HMBOX1: variants seen among roughly 807,000 people sequenced by gnomAD.
HMBOX1 encodes homeobox-containing protein 1.
HMBOX1 carries 14 observed loss-of-function variants against 54.5 expected under a neutral mutation model. That is an observed-to-expected ratio of 0.26 (90% CI 0.17 to 0.40). The LOEUF is 0.40. Ranked by LOEUF, HMBOX1 falls within the 10% of genes least tolerant of loss-of-function variation. HMBOX1 has a pLI of 1.00. For synonymous variants in HMBOX1, 160 were observed against 181.0 expected (o/e 0.88, Z 0.93); for missense variants, 332 against 514.4 (o/e 0.65, Z 3.43).
At chr8:29,037,379 C>A (rs1332140856) in intron 6 of HMBOX1, among the ~76,000 whole-genome samples, 1 of 152,060 alleles carries the variant, frequency 6.6e-6, no homozygotes, top group Non-Finnish European at 1.5e-5. Context: ...TTCCATTTTG[C>A]CGATACTTTA....
At chr8:28,971,638 G>A (rs911179921) in intron 3 of HMBOX1, among the ~76,000 whole-genome samples, 1 of 152,156 alleles carries the variant, frequency 6.6e-6, no homozygotes, top group Non-Finnish European at 1.5e-5. Context: ...GGTAAGAAAG[G>A]CAAGGCATGT....
At chr8:28,961,894 A>ATTTTGTTTTTTTTTTTTTTTTTTTT (rs1563475792) in intron 1 of HMBOX1, among the ~76,000 whole-genome samples, 2 of 107,668 alleles carry the variant, frequency 1.9e-5, no homozygotes, top group African/African-American at 3.3e-5. Flanking sequence ...GTGTCATTTT[A>ATTTTGTTTTTTTTTTTTTTTTTTTT]TTTTTTTTTT....
chr8:29,038,258 T>C lies in HMBOX1; in HGVS notation c.852-7103T>C, dbSNP rs116644474. ...TTTGCCACTTTTCATTTTAATTCTT[T>C]GTTGTCATTGTCTGGCAAAAGATCA... On this transcript the variant is annotated intron_variant, in intron 6 of 9. Transcript: ENST00000287701. 4.5e-3 allele frequency among the ~76,000 whole-genome samples: 678 copies of C among 152,320 alleles called. 6 individuals carry two copies. The highest frequency in any genetic ancestry group is 0.016 in the African/African-American group (646 of 41,568).
intron 1 of HMBOX1, among the ~76,000 whole-genome samples, chr8:28,947,884 T>C (rs1822758834): frequency 6.6e-6 from 1 of 152,194 alleles, no homozygotes; most frequent in Non-Finnish European, 1.5e-5. Flanking sequence ...TCTTGAATGC[T>C]TTGTCCCTTA....
At chr8:28,893,081 T>C (rs1424947469) in intron 1 of HMBOX1, among the ~76,000 whole-genome samples, 2 of 152,218 alleles carry the variant, frequency 1.3e-5, no homozygotes, top group African/African-American at 2.4e-5. Flanking sequence ...AAAATTTCTT[T>C]TTGTTTTGTC....
chr8:28,982,187 C>G (rs1427452481), intron 4 of HMBOX1, among the ~76,000 whole-genome samples: 2 of 152,140 alleles, frequency 1.3e-5, no homozygotes, highest in Non-Finnish European at 2.9e-5. Flanking sequence ...GAGCCGAGAT[C>G]GCGCCACTGC....
At chr8:28,942,571 CTA>C (rs1008067320) in intron 1 of HMBOX1, among the ~76,000 whole-genome samples, 21 of 152,092 alleles carry the variant, frequency 1.4e-4, no homozygotes, top group Non-Finnish European at 2.6e-4. Context: ...AAAAACAAAT[CTA>C]TATATAGTTA....
intron 1 of HMBOX1, among the ~76,000 whole-genome samples, chr8:28,911,157 A>G (rs995589174): frequency 1.9e-4 from 29 of 152,220 alleles, no homozygotes; most frequent in African/African-American, 7.0e-4. Flanking sequence ...ATTTTGGCCT[A>G]TTTAACCTAG....
chr8:29,050,998 T>G lies in HMBOX1; in HGVS notation c.1126-20T>G. The G allele has an allele frequency of 1.2e-6, 2 of 1,605,964 alleles. No homozygotes were observed. Among genetic ancestry groups the G allele is most frequent in the African/African-American group, 1.3e-5 (1 of 74,202 alleles). On this transcript the variant is annotated intron_variant, in intron 9 of 9. Coordinates refer to ENST00000287701, the MANE Select transcript of HMBOX1 (RefSeq NM_001135726.3). ...ATTCTTCCAATCCACTAATAACATT[T>G]CTTATTTCTGCACATCTAGGATGAC... is the stretch of plus-strand genomic sequence containing the variant.
chr8:28,984,057 C>T (rs535031048), intron 4 of HMBOX1, among the ~76,000 whole-genome samples: 1 of 152,312 alleles, frequency 6.6e-6, no homozygotes, highest in South Asian at 2.1e-4. Flanking sequence ...TGAATAAAGC[C>T]TTGTCCTCGT....
intron 1 of HMBOX1, among the ~76,000 whole-genome samples, chr8:28,922,474 T>G (rs1360693148): frequency 6.6e-6 from 1 of 152,228 alleles, no homozygotes; most frequent in Admixed American, 6.5e-5. Context: ...AGTACTTTTA[T>G]CTTTGCAAAA....
chr8:29,001,178 G>A (rs1832583411), intron 4 of HMBOX1, among the ~76,000 whole-genome samples: 1 of 152,142 alleles, frequency 6.6e-6, no homozygotes, highest in Non-Finnish European at 1.5e-5. Context: ...TACAAGGGTT[G>A]AAAAATACAG....
chr8:28,979,747 T>C (rs906897485), intron 3 of HMBOX1, among the ~76,000 whole-genome samples: 2 of 152,216 alleles, frequency 1.3e-5, no homozygotes, highest in Non-Finnish European at 2.9e-5. Context: ...TCCCCAGTAA[T>C]GAAACTTTGT....
rs767459321 is a variant in HMBOX1, at chr8:28,970,433, T to C, written c.414T>C (p.His138=). The C allele has an allele frequency of 6.2e-7, 1 of 1,614,144 alleles. No individual in the cohort carries two copies. Among genetic ancestry groups the C allele is most frequent in the Non-Finnish European group, 8.5e-7 (1 of 1,180,038 alleles). The stretch of plus-strand genomic sequence containing the variant: ...GAAAGATGTCACCAACTCGCTACCA[T>C]GCAAACAGCATGGGTCAGAGGTCAT... The part of the protein sequence containing the change: ...SNGKMSPTRY[H]ANSMGQRSYS... Residue 138 remains histidine (H), a synonymous_variant, in exon 3 of 10, where the codon CAT becomes CAC. Coordinates refer to ENST00000287701, the MANE Select transcript of HMBOX1 (RefSeq NM_001135726.3). The surrounding 1 kb of genome is among the most constrained non-coding windows in gnomAD (Gnocchi z 4.3).
At chr8:29,006,619 T>C (rs1370495435) in intron 4 of HMBOX1, among the ~76,000 whole-genome samples, 1 of 152,230 alleles carries the variant, frequency 6.6e-6, no homozygotes, top group South Asian at 2.1e-4. Flanking sequence ...GTTGTAGTTT[T>C]CTGGGTTTTT....
At position 28,930,325 on chromosome 8, in the gene HMBOX1, A is replaced by G. The variant is rs540479696; in HGVS notation, c.-57-33486A>G. ...TATAAATTTCTTCCTTTCTGTTCCC[A>G]CTGCTGTCACTTTAACCTGGGTCCT... On this transcript the variant is annotated intron_variant, in intron 1 of 9. Transcript: ENST00000287701. Among the ~76,000 whole-genome samples the G allele has an allele frequency of 3.3e-3, 496 of 152,082 alleles. 3 individuals carry two copies. The highest frequency in any genetic ancestry group is 0.011 in the African/African-American group (470 of 41,468).
chr8:28,990,165 CTTCT>C (rs1242080281), intron 4 of HMBOX1, among the ~76,000 whole-genome samples: 6 of 152,054 alleles, frequency 3.9e-5, no homozygotes, highest in Admixed American at 3.9e-4. Context: ...TTCAATGTGT[CTTCT>C]TTCTTTCTTC....
chr8:29,046,735 T>C (rs1320798148), intron 7 of HMBOX1, among the ~76,000 whole-genome samples: 1 of 152,214 alleles, frequency 6.6e-6, no homozygotes, highest in Non-Finnish European at 1.5e-5. Context: ...AATCCCAATA[T>C]TTTGGGAGGC....
intron 1 of HMBOX1, among the ~76,000 whole-genome samples, chr8:28,895,318 T>G (rs776712163): frequency 7.9e-5 from 12 of 152,128 alleles, no homozygotes; most frequent in Non-Finnish European, 1.8e-4. Context: ...AGCAAGAAAG[T>G]GAAATGCTGT....
Sources: allele counts gnomAD v4.1 joint callset (sites outside exome capture counted in the v4.1 genomes callset), GRCh38; gene constraint gnomAD v4.1.1; non-coding constraint Gnocchi (gnomAD v3.1); transcripts MANE v1.5; gene names NCBI Gene and HGNC (gene_info 2026-07-23, HGNC 2026-07-21).